Variants in PTER observed in about 807,000 individuals in gnomAD.
The protein encoded by PTER is phosphotriesterase related, also known as N-acetyltaurine hydrolase.
Under a neutral mutation model 29.6 loss-of-function variants are expected in PTER, and 38 were observed. The observed-to-expected ratio is 1.28, with a 90% CI of 0.99 to 1.68. The LOEUF is 1.68. Ranked by LOEUF, PTER falls within the 40% of genes most tolerant of loss-of-function variation. PTER has a pLI of 0.00. For missense variants in PTER, 482 were observed against 427.8 expected (o/e 1.13, Z -1.12); for synonymous variants, 172 against 154.5 (o/e 1.11, Z -0.84).
intron 1 of PTER, among the ~76,000 whole-genome samples, chr10:16,461,076 GA>G (rs1564390308): frequency 6.6e-6 from 1 of 152,140 alleles, no homozygotes; most frequent in African/African-American, 2.4e-5. Flanking sequence ...AAACTACAGT[GA>G]AAGGAGATTT....
chr10:16,481,962 A>G (rs1466371274), intron 1 of PTER, among the ~76,000 whole-genome samples: 1 of 152,210 alleles, frequency 6.6e-6, no homozygotes, highest in African/African-American at 2.4e-5. Context: ...GACACTGAAC[A>G]GTAAATTCCT....
chr10:16,442,149 A>G (rs1167238152), intron 1 of PTER, among the ~76,000 whole-genome samples: 1 of 152,238 alleles, frequency 6.6e-6, no homozygotes, highest in Non-Finnish European at 1.5e-5. Flanking sequence ...TTGCGACCAC[A>G]AAATCCTTGG....
At chr10:16,508,070 C>CTTTTTTTTTTTTTTTTTTTTTTTTT (rs56800279) in intron 4 of PTER, among the ~76,000 whole-genome samples, 1 of 127,880 alleles carries the variant, frequency 7.8e-6, no homozygotes, top group African/African-American at 3.1e-5. Flanking sequence ...TTTTCTTTTT[C>CTTTTTTTTTTTTTTTTTTTTTTTTT]TTTTTTTTTT....
chr10:16,497,462 T>C (rs1271329605), intron 3 of PTER, among the ~76,000 whole-genome samples: 1 of 152,240 alleles, frequency 6.6e-6, no homozygotes, highest in Non-Finnish European at 1.5e-5. Flanking sequence ...GACAGCATCT[T>C]AAATTTCTTA....
chr10:16,508,216 C>T (rs1460720680), intron 4 of PTER, among the ~76,000 whole-genome samples: 19 of 151,696 alleles, frequency 1.3e-4, no homozygotes, highest in Admixed American at 1.2e-3. Context: ...CTACAGGCAC[C>T]CGCCACCACG....
chr10:16,501,371 GCACACACACA>G (rs377037547), intron 3 of PTER, among the ~76,000 whole-genome samples: 5 of 36,208 alleles, frequency 1.4e-4, no homozygotes, highest in Non-Finnish European at 2.1e-4. Context: ...ACACACACAT[GCACACACACA>G]CACACACACC....
In PTER at chr10:16,440,448, T is replaced by C. The variant is rs374048134; in HGVS notation, c.-49+3401T>C. ...AGAATAAGAAAAATAAAATATCTGG[T>C]TCCATTTGGCATAAACTGGCTCTGT... On this transcript the variant is annotated intron_variant, in intron 1 of 4. Coordinates refer to ENST00000535784, the MANE Select transcript of PTER (RefSeq NM_001261836.2). Among the ~76,000 whole-genome samples, 153 of 152,204 alleles carry C rather than the reference T, an allele frequency of 1.0e-3. 2 individuals are homozygous for C. In the South Asian group the frequency reaches 0.031, roughly 31 times the overall value.
At chr10:16,483,563 T>G (rs1476503481) in intron 1 of PTER, among the ~76,000 whole-genome samples, 1 of 152,046 alleles carries the variant, frequency 6.6e-6, no homozygotes, top group African/African-American at 2.4e-5. Context: ...AAAGATCAGT[T>G]GTGGCCACGA....
chr10:16,491,277 T>C (rs138235747), intron 3 of PTER, among the ~76,000 whole-genome samples: 3 of 152,242 alleles, frequency 2.0e-5, no homozygotes, highest in African/African-American at 4.8e-5. Flanking sequence ...GGAACATGGC[T>C]TTAGAAAAAG....
In PTER at chr10:16,486,450, T is replaced by G. The variant is rs1156988426; in HGVS notation, c.531T>G (p.Thr177=). The G allele has an allele frequency of 1.5e-5, 24 of 1,613,922 alleles. No homozygotes were observed. The highest frequency in any genetic ancestry group is 1.9e-5 in the Non-Finnish European group (23 of 1,179,954). Residue 177 remains threonine (T), a synonymous_variant, in exon 3 of 5, where the codon ACT becomes ACG. Transcript: ENST00000535784. ...IGEIGCSWPL[T]ESERKVLQAT... ...AAATTGGTTGCTCCTGGCCTTTGAC[T>G]GAGAGTGAAAGAAAGGTTCTCCAGG...
At chr10:16,469,783 G>C (rs1211272435) in intron 1 of PTER, among the ~76,000 whole-genome samples, 2 of 152,024 alleles carry the variant, frequency 1.3e-5, no homozygotes, top group Non-Finnish European at 2.9e-5. Flanking sequence ...TCACTTTGTT[G>C]CCCAAGCTGA....
At chr10:16,472,345 G>T (rs937153115) in intron 1 of PTER, among the ~76,000 whole-genome samples, 8 of 152,116 alleles carry the variant, frequency 5.3e-5, no homozygotes, top group Non-Finnish European at 8.8e-5. Flanking sequence ...ATCTCACCTT[G>T]AATTGTAATA....
At chr10:16,505,768 TAAG>T (rs971929742) in intron 4 of PTER, among the ~76,000 whole-genome samples, 6 of 152,162 alleles carry the variant, frequency 3.9e-5, no homozygotes, top group African/African-American at 1.4e-4. Flanking sequence ...CACATGGTGA[TAAG>T]AAGATTGAAT....
At chr10:16,477,413 A>G (rs1835319165) in intron 1 of PTER, among the ~76,000 whole-genome samples, 1 of 151,922 alleles carries the variant, frequency 6.6e-6, no homozygotes, top group Non-Finnish European at 1.5e-5. Flanking sequence ...CTGACCTCAA[A>G]TGATTCACCC....
rs780043154 is a variant in PTER at position 16,511,192 on chromosome 10, T to G, written c.986T>G (p.Ile329Arg). ...NVVPKMLLRGITENVLDKILI... is the reference protein window; with the variant it reads ...NVVPKMLLRGRTENVLDKILI... ...GTTCCTAAAATGTTGCTGAGAGGCA[T>G]AACTGAGAATGTGCTTGATAAGATT... Residue 329 changes from isoleucine (I) to arginine (R), a missense_variant, in exon 5 of 5, where the codon ATA becomes AGA. Coordinates refer to ENST00000535784, the MANE Select transcript of PTER (RefSeq NM_001261836.2). 6.2e-7 allele frequency: 1 copy of G among 1,614,126 alleles called. No homozygotes were observed. The highest frequency in any genetic ancestry group is 1.7e-5 in the Admixed American group (1 of 60,014).
chr10:16,446,494 GT>G (rs1424545772), intron 1 of PTER, among the ~76,000 whole-genome samples: 7 of 152,224 alleles, frequency 4.6e-5, no homozygotes, highest in Non-Finnish European at 8.8e-5. Context: ...CTCTTTGCCT[GT>G]TAGTGTAGTT....
intron 1 of PTER, among the ~76,000 whole-genome samples, chr10:16,442,823 T>C (rs990858580): frequency 3.3e-5 from 5 of 151,942 alleles, no homozygotes; most frequent in Non-Finnish European, 7.4e-5. Context: ...CTACTAAAAA[T>C]ACAAAAATTA....
intron 1 of PTER, among the ~76,000 whole-genome samples, chr10:16,439,409 A>G (rs923793842): frequency 5.3e-5 from 8 of 152,240 alleles, no homozygotes; most frequent in South Asian, 2.1e-4. Context: ...AAATAGAAGC[A>G]GAGAGTAAGA....
intron 1 of PTER, among the ~76,000 whole-genome samples, chr10:16,463,457 G>A (rs953955755): frequency 6.6e-6 from 1 of 152,036 alleles, no homozygotes; most frequent in African/African-American, 2.4e-5. Flanking sequence ...TATCACCCAG[G>A]CTGGAGTGCC....
Sources: allele counts gnomAD v4.1 joint callset (sites outside exome capture counted in the v4.1 genomes callset), GRCh38; gene constraint gnomAD v4.1.1; transcripts MANE v1.5; gene names NCBI Gene and HGNC (gene_info 2026-07-23, HGNC 2026-07-21).